Variants in SPTBN1 observed in about 807,000 individuals in gnomAD.
The protein encoded by SPTBN1 is spectrin beta, non-erythrocytic 1, also known as spectrin beta chain, non-erythrocytic 1.
In SPTBN1, 32 loss-of-function variants were observed where a neutral mutation model predicts 266.4. That is an observed-to-expected ratio of 0.12 (90% CI 0.09 to 0.16). The LOEUF (loss-of-function observed/expected upper bound fraction) is 0.16, where lower values mean the gene tolerates loss of function less well. Ranked by LOEUF, SPTBN1 falls within the 10% of genes least tolerant of loss-of-function variation. The pLI, the probability that SPTBN1 is intolerant of heterozygous loss-of-function variation, is 1.00. For synonymous variants in SPTBN1, 1,336 were observed against 1,162.2 expected (o/e 1.15, Z -3.04); for missense variants, 2,296 against 3,067.1 (o/e 0.75, Z 5.94).
chr2:54,535,349 G>A (rs1467883395), intron 2 of SPTBN1, among the ~76,000 whole-genome samples: 2 of 152,112 alleles, frequency 1.3e-5, no homozygotes, highest in Admixed American at 6.5e-5. Flanking sequence ...TAATTCCAGA[G>A]CATTTTTATT....
chr2:54,521,195 C>A (rs1339945365), intron 1 of SPTBN1, among the ~76,000 whole-genome samples: 1 of 152,192 alleles, frequency 6.6e-6, no homozygotes, highest in Non-Finnish European at 1.5e-5. Flanking sequence ...TTGTAGCATG[C>A]TGGAGTTTGG....
At chr2:54,598,626 A>G (rs1247251702) in intron 2 of SPTBN1, among the ~76,000 whole-genome samples, 1 of 151,920 alleles carries the variant, frequency 6.6e-6, no homozygotes, top group Non-Finnish European at 1.5e-5. Flanking sequence ...CCTTTAATAT[A>G]CTCACCTTTT....
At chr2:54,513,571 C>G (rs1053109251) in intron 1 of SPTBN1, among the ~76,000 whole-genome samples, 1 of 152,178 alleles carries the variant, frequency 6.6e-6, no homozygotes, top group Non-Finnish European at 1.5e-5. Flanking sequence ...GAACTATACT[C>G]TAATGTAATT....
Position 54,646,181 on chromosome 2 carries a change from C to T in SPTBN1, c.4585-13C>T. On this transcript the variant is annotated splice_polypyrimidine_tract_variant and intron_variant, in intron 22 of 35. Coordinates refer to ENST00000356805, the MANE Select transcript of SPTBN1 (RefSeq NM_003128.3). This position sits in a 1 kb window ranked among gnomAD's most constrained non-coding sequence, Gnocchi z 4.4. The stretch of plus-strand genomic sequence containing the variant: ...TTTAGCAAGCCTTTGTGTGTATTTT[C>T]CGCTCCCTCCAGACCCTCCAGAAAG... The T allele has an allele frequency of 6.3e-7, 1 of 1,597,174 alleles. No individual in the cohort carries two copies. The highest frequency in any genetic ancestry group is 8.5e-7 in the Non-Finnish European group (1 of 1,170,474).
Position 54,628,261 on chromosome 2 carries a change from C to A in SPTBN1, c.1798+11C>A. 1 of 1,605,678 alleles carries A rather than the reference C, an allele frequency of 6.2e-7. No homozygotes were observed. The highest frequency in any genetic ancestry group is 1.3e-5 in the African/African-American group (1 of 74,672). On this transcript the variant is annotated intron_variant, in intron 13 of 35. Coordinates refer to ENST00000356805, the MANE Select transcript of SPTBN1 (RefSeq NM_003128.3). The surrounding 1 kb of genome is among the most constrained non-coding windows in gnomAD (Gnocchi z 4.3). ...CAACAGACGGGGAAGGTAAGGATGG[C>A]CCATTCCAAGCATTACCTCCGGGTC...
chr2:54,475,369 C>A (rs1286824235), intron 1 of SPTBN1, among the ~76,000 whole-genome samples: 1 of 152,154 alleles, frequency 6.6e-6, no homozygotes, highest in African/African-American at 2.4e-5. Context: ...ATGGGAAATG[C>A]TGGATTAAAC....
chr2:54,597,164 C>A (rs929635460), intron 2 of SPTBN1, among the ~76,000 whole-genome samples: 6 of 152,164 alleles, frequency 3.9e-5, no homozygotes, highest in African/African-American at 1.4e-4. Context: ...AAATTGTTAA[C>A]CCTAAATACA....
In SPTBN1 at chr2:54,617,739, C is replaced by T. The variant is rs753893965; in HGVS notation, c.647+51C>T. The T allele has an allele frequency of 3.8e-6, 6 of 1,573,340 alleles. No individual in the cohort carries two copies. The African/African-American group carries it at 5.4e-5, about 14-fold the overall frequency. On this transcript the variant is annotated intron_variant, in intron 6 of 35. Coordinates refer to ENST00000356805, the MANE Select transcript of SPTBN1 (RefSeq NM_003128.3). ...AATCGTGGGGTAAAAGGTTGCTGTC[C>T]TTCCATAGCAGATTTGGGTGACTTT...
At chr2:54,661,483 G>T in intron 32 of SPTBN1, 1 of 985,616 alleles carries the variant, frequency 1.0e-6, no homozygotes, top group Non-Finnish European at 1.2e-6. Context: ...CATCTTGTTT[G>T]TTTTTCCTTA....
At position 54,624,853 on chromosome 2, in the gene SPTBN1, G is replaced by A. The variant is rs1424773337; in HGVS notation, c.1232G>A (p.Arg411Gln). Residue 411 changes from arginine (R) to glutamine (Q), a missense_variant, in exon 11 of 36, where the codon CGG (arginine) becomes CAG (glutamine). Arg to Gln is a conservative substitution (Grantham distance 43, BLOSUM62 1). This residue lies in a region of SPTBN1 where 148 missense variants were observed against 203.8 expected (regional missense o/e 0.73). Transcript: ENST00000356805. ...GAACACGAAAGAGAACTGGCTTTGC[G>A]GAATGAGCTCATAAGACAGGAGAAA... ...KAEHERELAL[R>Q]NELIRQEKLE... The A allele has an allele frequency of 1.2e-6, 2 of 1,614,040 alleles. No homozygotes were observed. Among genetic ancestry groups the A allele is most frequent in the African/African-American group, 2.7e-5 (2 of 74,916 alleles).
At position 54,629,126 on chromosome 2, in the gene SPTBN1, C is replaced by G; in HGVS notation, c.1992C>G (p.Asp664Glu). 6.2e-7 allele frequency: 1 copy of G among 1,613,584 alleles called. No homozygotes were observed. The highest frequency in any genetic ancestry group is 8.5e-7 in the Non-Finnish European group (1 of 1,179,888). ...AGAAGGAGAAGATCCTGTCCTCGGA[C>G]GATTACGGGAAAGACCTGACCAGCG... is the stretch of plus-strand genomic sequence containing the variant. ...IREKEKILSS[D>E]DYGKDLTSVM... Residue 664 changes from aspartate (D) to glutamate (E), a missense_variant, in exon 14 of 36, where the codon GAC becomes GAG. Around this residue, in one of 12 missense-constraint regions of SPTBN1, gnomAD observed 434 missense variants for 573.9 expected, o/e 0.76. Coordinates refer to ENST00000356805, the MANE Select transcript of SPTBN1 (RefSeq NM_003128.3).
intron 4 of SPTBN1, among the ~76,000 whole-genome samples, chr2:54,614,349 T>C (rs1677435691): frequency 6.6e-6 from 1 of 152,120 alleles, no homozygotes. Context: ...TTCCACCAGC[T>C]CCTGAATATA....
chr2:54,519,557 C>T (rs1303113744), intron 1 of SPTBN1, among the ~76,000 whole-genome samples: 1 of 152,102 alleles, frequency 6.6e-6, no homozygotes, highest in African/African-American at 2.4e-5. Context: ...TCAGGAGTTG[C>T]AAGAGCTTAG....
At chr2:54,488,388 C>A (rs1356173479) in intron 1 of SPTBN1, among the ~76,000 whole-genome samples, 1 of 152,192 alleles carries the variant, frequency 6.6e-6, no homozygotes, top group Non-Finnish European at 1.5e-5. Flanking sequence ...TCTGTTTTCA[C>A]CTTGGACTGC....
rs1680109794 is a variant in SPTBN1 at position 54,649,222 on chromosome 2, G to C, written c.5202+32G>C. The C allele has an allele frequency of 6.4e-7, 1 of 1,570,424 alleles. No homozygotes were observed. Among genetic ancestry groups the C allele is most frequent in the African/African-American group, 1.3e-5 (1 of 74,244 alleles). ...ACTTGAGGCAGTGCATGAGTTGGTT[G>C]TGCAGTAAGCGATGGTGTGGAAGGC... On this transcript the variant is annotated intron_variant, in intron 25 of 35. Transcript: ENST00000356805. The surrounding 1 kb of genome is among the most constrained non-coding windows in gnomAD (Gnocchi z 6.7).
At chr2:54,603,178 G>T (rs754591972) in intron 3 of SPTBN1, among the ~76,000 whole-genome samples, 1 of 152,164 alleles carries the variant, frequency 6.6e-6, no homozygotes, top group African/African-American at 2.4e-5. Context: ...TAGGGTGTGG[G>T]TAGGGTTCCA....
Position 54,558,280 on chromosome 2 carries a change from C to T in SPTBN1, c.148+31714C>T. 2 of 985,554 alleles carry T rather than the reference C, an allele frequency of 2.0e-6. No homozygotes were observed. The highest frequency in any genetic ancestry group is 2.4e-6 in the Non-Finnish European group (2 of 830,014). 61.1% of individuals were successfully genotyped at this position (985,554 alleles called of 1,614,324 possible). A position where few individuals can be genotyped will look rare whatever the true frequency, so the allele number is the denominator to read the frequency against. On this transcript the variant is annotated intron_variant, in intron 2 of 35. Coordinates refer to ENST00000356805, the MANE Select transcript of SPTBN1 (RefSeq NM_003128.3). This position sits in a 1 kb window ranked among gnomAD's most constrained non-coding sequence, Gnocchi z 4.6. ...CCCGCGCCCCTCCTCGTGGTATAGC[C>T]TGCATTTCTAATACAATGCTGTTAT...
At position 54,540,424 on chromosome 2, in the gene SPTBN1, C is replaced by T. The variant is rs1459004999; in HGVS notation, c.148+13858C>T. 1.3e-5 allele frequency among the ~76,000 whole-genome samples: 2 copies of T among 152,234 alleles called. No homozygotes were observed. The highest frequency in any genetic ancestry group is 2.9e-5 in the Non-Finnish European group (2 of 68,044). ...TAGTAGAAGCCATTACACAGTGACT[C>T]ACACGTCCTTTACTGTGGATTTGGC... On this transcript the variant is annotated intron_variant, in intron 2 of 35. Coordinates refer to ENST00000356805, the MANE Select transcript of SPTBN1 (RefSeq NM_003128.3). This position sits in a 1 kb window ranked among gnomAD's most constrained non-coding sequence, Gnocchi z 5.6.
Position 54,629,672 on chromosome 2 carries a change from G to A in SPTBN1, c.2538G>A (p.Gln846=), listed in dbSNP as rs35347911. The change falls in exon 14 of 36, where the codon CAG becomes CAA. Residue 846 remains glutamine, a synonymous_variant. Coordinates refer to ENST00000356805, the MANE Select transcript of SPTBN1 (RefSeq NM_003128.3). ...ELTRLRKQAL[Q]DTLALYKMFS... is the part of the protein sequence containing the mutation. ...CGCGGCTGCGGAAGCAGGCACTCCA[G>A]GACACTCTGGCCCTGTACAAGATGT... The A allele has an allele frequency of 2.2e-5, 36 of 1,613,724 alleles. No homozygotes were observed. The highest frequency in any genetic ancestry group is 2.7e-5 in the African/African-American group (2 of 74,942).
Sources: allele counts gnomAD v4.1 joint callset (sites outside exome capture counted in the v4.1 genomes callset), GRCh38; gene constraint gnomAD v4.1.1; regional missense constraint gnomAD v4.1.1; non-coding constraint Gnocchi (gnomAD v3.1); transcripts MANE v1.5; gene names NCBI Gene and HGNC (gene_info 2026-07-23, HGNC 2026-07-21).